DNAJC1: variants seen among roughly 807,000 people sequenced by gnomAD.
DNAJC1 encodes the protein dnaJ homolog subfamily C member 1.
In DNAJC1, 58 loss-of-function variants were observed where a neutral mutation model predicts 76.6. The observed-to-expected ratio is 0.76, with a 90% CI of 0.61 to 0.94. The LOEUF is 0.94. Among genes scored for constraint, DNAJC1 ranks in the 40% least tolerant of loss-of-function variants. DNAJC1 has a pLI of 0.00. For missense variants in DNAJC1, 689 were observed against 677.3 expected, an observed-to-expected ratio of 1.02 and a Z score of -0.19; for synonymous variants, 258 against 267.9, an observed-to-expected ratio of 0.96 and a Z score of 0.36.
chr10:21,762,537 A>G (rs1174636638), intron 10 of DNAJC1, among the ~76,000 whole-genome samples: 1 of 152,236 alleles, frequency 6.6e-6, no homozygotes, highest in Non-Finnish European at 1.5e-5. Context: ...TCATTGTGCA[A>G]TACAAATTAT....
At chr10:21,866,491 A>G (rs1836004594) in intron 8 of DNAJC1, among the ~76,000 whole-genome samples, 1 of 152,102 alleles carries the variant, frequency 6.6e-6, no homozygotes, top group African/African-American at 2.4e-5. Flanking sequence ...TTGATTCACC[A>G]AAGATATAAA....
intron 1 of DNAJC1, among the ~76,000 whole-genome samples, chr10:21,997,929 A>G (rs1838445673): frequency 6.6e-6 from 1 of 152,224 alleles, no homozygotes; most frequent in Admixed American, 6.5e-5. Context: ...GGCACCATGA[A>G]GACAAATCTT....
chr10:21,814,659 G>A (rs1480600692), intron 8 of DNAJC1, among the ~76,000 whole-genome samples: 6 of 152,104 alleles, frequency 3.9e-5, no homozygotes, highest in Non-Finnish European at 7.4e-5. Flanking sequence ...TCTCAAAGTG[G>A]GTCCTGGGTG....
chr10:21,766,100 T>C (rs1056934702), intron 10 of DNAJC1, among the ~76,000 whole-genome samples, 161 bp downstream of exon 10: 2 of 152,238 alleles, frequency 1.3e-5, no homozygotes, highest in African/African-American at 4.8e-5. Flanking sequence ...CTGGACTGGC[T>C]TGCTGGTGCC....
chr10:21,996,673 T>C (rs1490474821), intron 1 of DNAJC1, among the ~76,000 whole-genome samples: 1 of 152,080 alleles, frequency 6.6e-6, no homozygotes, highest in African/African-American at 2.4e-5. Context: ...AAGAAAAAAC[T>C]GAGAATAGCA....
At position 21,939,403 on chromosome 10, in the gene DNAJC1, T is replaced by G. The variant is rs16921954; in HGVS notation, c.223-10262A>C. On this transcript the variant is annotated intron_variant, in intron 1 of 11. Transcript: ENST00000376980. ...TTAATCAAGACCAACTGCCTCAAAG[T>G]TAATACAGTCAATGCAGTGCATGAC... is the stretch of plus-strand genomic sequence containing the variant. 1.3e-3 allele frequency among the ~76,000 whole-genome samples: 199 copies of G among 152,330 alleles called. 4 individuals are homozygous for G. In the East Asian group the frequency reaches 0.033, roughly 25 times the overall value.
chr10:21,966,065 C>A (rs186689038), intron 1 of DNAJC1, among the ~76,000 whole-genome samples: 1 of 152,220 alleles, frequency 6.6e-6, no homozygotes, highest in East Asian at 1.9e-4. Flanking sequence ...CTAAAGAGTA[C>A]CAGTGAGTTA....
intron 1 of DNAJC1, among the ~76,000 whole-genome samples, chr10:21,976,866 C>T (rs1838074444): frequency 6.6e-6 from 1 of 152,156 alleles, no homozygotes; most frequent in Non-Finnish European, 1.5e-5. Flanking sequence ...CTGCCTTTCT[C>T]TAAGTCTTCT....
At chr10:21,872,299 A>G (rs1590025332) in intron 8 of DNAJC1, among the ~76,000 whole-genome samples, 1 of 151,800 alleles carries the variant, frequency 6.6e-6, no homozygotes, top group Non-Finnish European at 1.5e-5. Flanking sequence ...CAAACGCCTG[A>G]CCTCCGGTGA....
At chr10:21,790,956 C>G (rs561928643) in intron 9 of DNAJC1, among the ~76,000 whole-genome samples, 2 of 151,944 alleles carry the variant, frequency 1.3e-5, no homozygotes, top group South Asian at 4.2e-4. Context: ...AAATATGAGT[C>G]AACTATACTA....
intron 8 of DNAJC1, among the ~76,000 whole-genome samples, chr10:21,841,460 C>T (rs1232787393): frequency 6.6e-6 from 1 of 152,190 alleles, no homozygotes; most frequent in East Asian, 1.9e-4. Context: ...ACAGACACTT[C>T]TCAAAAGAAG....
chr10:21,763,389 G>GA (rs1018605344), intron 10 of DNAJC1, among the ~76,000 whole-genome samples: 4 of 152,096 alleles, frequency 2.6e-5, no homozygotes, highest in Admixed American at 6.6e-5. Flanking sequence ...ATTAACATAA[G>GA]AAAGAGGGAG....
chr10:21,756,707 T>C lies in DNAJC1; in HGVS notation c.1645A>G (p.Lys549Glu). The change falls in exon 12 of 12, where the codon AAA becomes GAA. Residue 549 changes from lysine (K) to glutamate (E), a missense_variant. Coordinates refer to ENST00000376980, the MANE Select transcript of DNAJC1 (RefSeq NM_022365.4). ...YKLLVELVQK[K>E]KQAKS ...AATATTCAGCTTTTAGCTTGTTTTTTCTTTTGGACCAGTTCAACCAGCAAC... is the reference window on the plus strand; with the variant it reads ...AATATTCAGCTTTTAGCTTGTTTTTCCTTTTGGACCAGTTCAACCAGCAAC... 4 of 1,613,672 alleles carry C rather than the reference T, an allele frequency of 2.5e-6. No homozygotes were observed. The highest frequency in any genetic ancestry group is 3.4e-6 in the Non-Finnish European group (4 of 1,179,774).
intron 1 of DNAJC1, among the ~76,000 whole-genome samples, chr10:21,930,335 G>A (rs901172666): frequency 4.6e-5 from 7 of 152,066 alleles, no homozygotes; most frequent in Non-Finnish European, 1.0e-4. Flanking sequence ...ATTAATATTG[G>A]GCAAAATGAT....
intron 1 of DNAJC1, among the ~76,000 whole-genome samples, chr10:21,979,880 T>C (rs959192217): frequency 5.3e-5 from 8 of 152,024 alleles, no homozygotes; most frequent in East Asian, 1.9e-4. Flanking sequence ...TCTGCTCCTA[T>C]GACTTTTGCA....
At chr10:21,820,255 ATTTCT>A (rs1296011578) in intron 8 of DNAJC1, among the ~76,000 whole-genome samples, 7 of 152,122 alleles carry the variant, frequency 4.6e-5, no homozygotes, top group African/African-American at 1.7e-4. Flanking sequence ...TCAGTACTTC[ATTTCT>A]TTTTACTGCT....
chr10:21,886,685 A>T (rs1434326004), intron 7 of DNAJC1, among the ~76,000 whole-genome samples: 1 of 152,224 alleles, frequency 6.6e-6, no homozygotes, highest in Non-Finnish European at 1.5e-5. Flanking sequence ...AAATTAATAA[A>T]TGTGATTCTT....
chr10:21,858,770 C>T (rs1021887331), intron 8 of DNAJC1, among the ~76,000 whole-genome samples: 2 of 152,138 alleles, frequency 1.3e-5, no homozygotes, highest in Non-Finnish European at 2.9e-5. Context: ...ACCACTAGGT[C>T]ACCAGGGAGG....
intron 7 of DNAJC1, among the ~76,000 whole-genome samples, chr10:21,886,466 C>T (rs1263719845): frequency 6.6e-6 from 1 of 152,144 alleles, no homozygotes. Flanking sequence ...GGACTCCTCC[C>T]AAACTCATTC....
Sources: gnomAD v4.1 joint callset for allele counts (sites outside exome capture counted in the v4.1 genomes callset) on GRCh38, gnomAD v4.1.1 for gene constraint, MANE v1.5 for transcripts, NCBI Gene and HGNC (gene_info 2026-07-23, HGNC 2026-07-21) for gene names.